Variants in SBSN observed in about 807,000 individuals in gnomAD.
SBSN encodes the protein suprabasin.
SBSN carries 33 observed loss-of-function variants against 42.8 expected under a neutral mutation model. The ratio of observed to expected loss-of-function variants is 0.77; its 90% CI spans 0.58 to 1.03. SBSN has a LOEUF of 1.03. Ranked by LOEUF, SBSN falls within the 50% of genes least tolerant of loss-of-function variation. The probability of loss-of-function intolerance (pLI) is 0.00; values close to 1 mark genes in which losing one functional copy is unlikely to be tolerated. For missense variants in SBSN, 646 were observed against 757.3 expected (o/e 0.85, Z 1.72); for synonymous variants, 276 against 307.0 (o/e 0.90, Z 1.06).
chr19:35,526,590 C>T (rs575205686), intron 1 of SBSN, 54 bp downstream of exon 1: 3 of 807,612 alleles, frequency 3.7e-6, no homozygotes, highest in African/African-American at 1.8e-5. Flanking sequence ...AGGGGTTTAA[C>T]CTTTCCCTCC....
Position 35,524,705 on chromosome 19 carries a change from A to G in SBSN, c.1749+6T>C. 1 of 1,613,834 alleles carries G rather than the reference A, an allele frequency of 6.2e-7. No homozygotes were observed. Among genetic ancestry groups the G allele is most frequent in the Non-Finnish European group, 8.5e-7 (1 of 1,179,900 alleles). On this transcript the variant is annotated splice_donor_region_variant and intron_variant, in intron 3 of 3. Transcript: ENST00000452271. Reference sequence around the variant, plus strand: ...GAGCAGAAAAGAGACACCATGGGGCACTCACCCTCCACAGGGCGGGAAGGT... The same window carrying G: ...GAGCAGAAAAGAGACACCATGGGGCGCTCACCCTCCACAGGGCGGGAAGGT...
In SBSN at chr19:35,523,440, A is replaced by C; in HGVS notation, c.*70T>G. The C allele has an allele frequency of 3.3e-6, 5 of 1,494,016 alleles. No homozygotes were observed. The highest frequency in any genetic ancestry group is 1.1e-5 in the South Asian group (1 of 88,764). The allele number at this position is 1,494,016 out of a possible 1,614,324, so 92.5% of individuals were successfully genotyped here. ...TTTCAGAAACCTGTCCCCCACCCCCAACCCCTCCAGGTCATGTCAGCTGAT... is the reference window on the plus strand; with the variant it reads ...TTTCAGAAACCTGTCCCCCACCCCCCACCCCTCCAGGTCATGTCAGCTGAT... On this transcript the variant is annotated 3_prime_UTR_variant, in exon 4 of 4. Coordinates refer to ENST00000452271, the MANE Select transcript of SBSN (RefSeq NM_001166034.2).
chr19:35,523,368 A>G lies in SBSN; in HGVS notation c.*142T>C. ...CCAGGGGACCACAATGAGACAGCAT[A>G]GTGTATCAAGTTTATTCACAAATCC... On this transcript the variant is annotated 3_prime_UTR_variant, in exon 4 of 4. Coordinates refer to ENST00000452271, the MANE Select transcript of SBSN (RefSeq NM_001166034.2). 1.2e-6 allele frequency: 1 copy of G among 815,446 alleles called. No individual in the cohort carries two copies. Among genetic ancestry groups the G allele is most frequent in the Non-Finnish European group, 2.1e-6 (1 of 481,500 alleles). The allele number at this position is 815,446 out of a possible 1,614,324, so 50.5% of individuals were successfully genotyped here.
chr19:35,523,903 G>A (rs2071339712), intron 3 of SBSN, among the ~76,000 whole-genome samples: 1 of 152,220 alleles, frequency 6.6e-6, no homozygotes, highest in South Asian at 2.1e-4. Flanking sequence ...GAGGCTGGGT[G>A]CAGTGGCTTA....
intron 1 of SBSN, among the ~76,000 whole-genome samples, chr19:35,525,935 G>A (rs373359656): frequency 9.6e-4 from 146 of 152,198 alleles, no homozygotes; most frequent in African/African-American, 3.5e-3. Flanking sequence ...CACCTGCCTC[G>A]GCCTCCCAAA....
Position 35,524,720 on chromosome 19 carries a change from G to A in SBSN, c.1740C>T (p.Ala580=), listed in dbSNP as rs1360977710. ...ACCATGGGGCACTCACCCTCCACAGGGCGGGAAGGTTGATGAAAGGCGTGT... is the reference window on the plus strand; with the variant it reads ...ACCATGGGGCACTCACCCTCCACAGAGCGGGAAGGTTGATGAAAGGCGTGT... The part of the protein sequence containing the change: ...SVNTPFINLP[A]LWRSVANIMP Residue 580 remains alanine (A), a synonymous_variant, in exon 3 of 4, where the codon GCC becomes GCT. Transcript: ENST00000452271. 4 of 1,613,894 alleles carry A rather than the reference G, an allele frequency of 2.5e-6. No homozygotes were observed. Among genetic ancestry groups the A allele is most frequent in the East Asian group, 2.2e-5 (1 of 44,884 alleles).
chr19:35,527,260 C>A lies in SBSN; in HGVS notation c.1022G>T (p.Ser341Ile). Reference protein sequence around the residue: ...RFGQGVHHGLSEGWKETEKFG... With the variant: ...RFGQGVHHGLIEGWKETEKFG... ...CTTCTCTGTCTCCTTCCAGCCCTCACTGAGACCATGGTGGACCCCCTGGCC... is the reference window on the plus strand; with the variant it reads ...CTTCTCTGTCTCCTTCCAGCCCTCAATGAGACCATGGTGGACCCCCTGGCC... The change falls in exon 1 of 4, where the codon AGT (serine) becomes ATT (isoleucine). Residue 341 changes from serine (S) to isoleucine (I), a missense_variant. Coordinates refer to ENST00000452271, the MANE Select transcript of SBSN (RefSeq NM_001166034.2). 2 of 1,535,316 alleles carry A rather than the reference C, an allele frequency of 1.3e-6. No homozygotes were observed.
At chr19:35,525,695 T>A (rs1052432244) in intron 1 of SBSN, among the ~76,000 whole-genome samples, 29 of 152,100 alleles carry the variant, frequency 1.9e-4, no homozygotes, top group African/African-American at 2.7e-4. Flanking sequence ...TATTATTATT[T>A]TTTTTGAGAC....
In SBSN at chr19:35,526,945, G is replaced by A; in HGVS notation, c.1337C>T (p.Pro446Leu). 2 of 1,571,152 alleles carry A rather than the reference G, an allele frequency of 1.3e-6. No homozygotes were observed. The highest frequency in any genetic ancestry group is 2.4e-5 in the East Asian group (1 of 42,330). ...CTCCTTCCCGGCCTCGTGGACCCCAGGTTGGACACCATGAACTGCTATGTC... is the reference window on the plus strand; with the variant it reads ...CTCCTTCCCGGCCTCGTGGACCCCAAGTTGGACACCATGAACTGCTATGTC... ...EGDIAVHGVQ[P>L]GVHEAGKEAG... The change falls in exon 1 of 4, where the codon CCT becomes CTT. Residue 446 changes from proline (P) to leucine (L), a missense_variant. By Grantham distance (98) the Pro-to-Leu change is moderately conservative (BLOSUM62 -3). Transcript: ENST00000452271.
rs931601257 is a variant in SBSN at position 35,526,505 on chromosome 19, C to G, written c.1638+139G>C. ...AAGGGAGATGGGGAAGGGGGAGGAA[C>G]CCAGTGATATAGCTGCCCAAGCTTC... On this transcript the variant is annotated intron_variant, in intron 1 of 3. Transcript: ENST00000452271. 16 of 794,084 alleles carry G rather than the reference C, an allele frequency of 2.0e-5. No homozygotes were observed. In the Admixed American group the frequency reaches 4.0e-4, roughly 20 times the overall value. 49.2% of individuals were successfully genotyped at this position (794,084 alleles called of 1,614,324 possible).
intron 3 of SBSN, among the ~76,000 whole-genome samples, 164 bp downstream of exon 3, chr19:35,524,547 G>A (rs2146279277): frequency 6.6e-6 from 1 of 152,220 alleles, no homozygotes; most frequent in Non-Finnish European, 1.5e-5. Flanking sequence ...GGAGGGAGCA[G>A]GTGGAGAGAG....
Position 35,527,021 on chromosome 19 carries a change from G to GC in SBSN, c.1260dup (p.Gln421AlafsTer47). ...GTGTGGTGAATGTCGTGGCCAAACTGCCCCGCCTCCCTTCCAGCCTGACTA... is the reference window on the plus strand; with the variant it reads ...GTGTGGTGAATGTCGTGGCCAAACTGCCCCCGCCTCCCTTCCAGCCTGACTA... On this transcript the variant is annotated frameshift_variant, in exon 1 of 4. Transcript: ENST00000452271. LOFTEE classifies it high-confidence loss of function. 2 of 1,542,828 alleles carry GC rather than the reference G, an allele frequency of 1.3e-6. No homozygotes were observed. The highest frequency in any genetic ancestry group is 8.7e-7 in the Non-Finnish European group (1 of 1,146,758).
intron 1 of SBSN, 126 bp from the exon 2 acceptor site, chr19:35,525,050 A>T: frequency 1.1e-6 from 1 of 942,822 alleles, no homozygotes; most frequent in Non-Finnish European, 1.6e-6. Context: ...AGCTTAACCC[A>T]CTGCCTCCTC....
Position 35,528,098 on chromosome 19 carries a change from C to A in SBSN, c.184G>T (p.Gly62Ter). 6.2e-7 allele frequency: 1 copy of A among 1,614,036 alleles called. No individual in the cohort carries two copies. Among genetic ancestry groups the A allele is most frequent in the Non-Finnish European group, 8.5e-7 (1 of 1,180,030 alleles). ...TTGAAAACCTTCTCCACTTCCCTTC[C>A]GGCATGCGTGATTCCACTGTTGATG... Reference protein sequence around the residue: ...DGINSGITHAGREVEKVFNGL... With the variant: ...DGINSGITHA The change falls in exon 1 of 4, where the codon GGA (glycine) becomes TGA (stop). Residue 62 changes from glycine to a stop codon, truncating the protein, a stop_gained. Transcript: ENST00000452271. LOFTEE classifies it high-confidence loss of function.
rs374805095 is a variant in SBSN at position 35,528,068 on chromosome 19, G to T, written c.214C>A (p.Leu72Ile). Residue 72 changes from leucine to isoleucine, a missense_variant, in exon 1 of 4, where the codon CTT becomes ATT. Around this residue, in one of 3 missense-constraint regions of SBSN, gnomAD observed 190 missense variants for 197.1 expected, o/e 0.96. Coordinates refer to ENST00000452271, the MANE Select transcript of SBSN (RefSeq NM_001166034.2). ...CCGGTGTGGCTCCCCATGTTGCTAAGTCCGTTGAAAACCTTCTCCACTTCC... is the reference window on the plus strand; with the variant it reads ...CCGGTGTGGCTCCCCATGTTGCTAATTCCGTTGAAAACCTTCTCCACTTCC... Reference protein sequence around the residue: ...GREVEKVFNGLSNMGSHTGKE... With the variant: ...GREVEKVFNGISNMGSHTGKE... 110 of 1,613,922 alleles carry T rather than the reference G, an allele frequency of 6.8e-5. No homozygotes were observed. The East Asian group carries it at 2.2e-3, about 32-fold the overall frequency.
chr19:35,523,393 C>T lies in SBSN; in HGVS notation c.*117G>A. 9 of 1,014,826 alleles carry T rather than the reference C, an allele frequency of 8.9e-6. No individual in the cohort carries two copies. Among genetic ancestry groups the T allele is most frequent in the African/African-American group, 1.6e-5 (1 of 63,216 alleles). 62.9% of individuals were successfully genotyped at this position (1,014,826 alleles called of 1,614,324 possible). On this transcript the variant is annotated 3_prime_UTR_variant, in exon 4 of 4. Coordinates refer to ENST00000452271, the MANE Select transcript of SBSN (RefSeq NM_001166034.2). ...AGTGTATCAAGTTTATTCACAAATC[C>T]CAGTACAACCCCCTTCAGGGATTTC...
At chr19:35,525,776 G>A (rs905377792) in intron 1 of SBSN, among the ~76,000 whole-genome samples, 1 of 152,080 alleles carries the variant, frequency 6.6e-6, no homozygotes, top group African/African-American at 2.4e-5. Flanking sequence ...TCCGCTTCTC[G>A]GGTTCAAGGG....
Position 35,526,991 on chromosome 19 carries a change from C to T in SBSN, c.1291G>A (p.Gly431Arg). The T allele has an allele frequency of 1.3e-6, 2 of 1,549,986 alleles. No individual in the cohort carries two copies. The highest frequency in any genetic ancestry group is 1.7e-6 in the Non-Finnish European group (2 of 1,147,622). Residue 431 changes from glycine (G) to arginine (R), a missense_variant, in exon 1 of 4, where the codon GGG (glycine) becomes AGG (arginine). Gly to Arg is a moderately radical substitution (Grantham distance 125, BLOSUM62 -2). Coordinates refer to ENST00000452271, the MANE Select transcript of SBSN (RefSeq NM_001166034.2). ...ATGTCTCCCTCTTTCCCAGCCTGCC[C>T]TGCTGTGTGGTGAATGTCGTGGCCA... is the stretch of plus-strand genomic sequence containing the variant. The part of the protein sequence containing the change: ...QFGHDIHHTA[G>R]QAGKEGDIAV...
chr19:35,524,567 G>T, intron 3 of SBSN, 144 bp downstream of exon 3: 1 of 748,406 alleles, frequency 1.3e-6, no homozygotes, highest in Non-Finnish European at 2.3e-6. Context: ...GGGAAGCCCA[G>T]GACTGGGTAT....
Sources: allele counts gnomAD v4.1 joint callset (sites outside exome capture counted in the v4.1 genomes callset), GRCh38; gene constraint gnomAD v4.1.1; regional missense constraint gnomAD v4.1.1; transcripts MANE v1.5; gene names NCBI Gene and HGNC (gene_info 2026-07-23, HGNC 2026-07-21).